MTSS2: variants seen among roughly 807,000 people sequenced by gnomAD.
The protein encoded by MTSS2 is MTSS I-BAR domain containing 2.
A neutral mutation model predicts 67.1 loss-of-function variants in MTSS2; 27 were observed. The ratio of observed to expected loss-of-function variants is 0.40; its 90% CI spans 0.30 to 0.55. MTSS2 has a LOEUF of 0.55. Ranked by LOEUF, MTSS2 falls within the 20% of genes least tolerant of loss-of-function variation. MTSS2 has a pLI of 0.43. For synonymous variants in MTSS2, 624 were observed against 468.6 expected, an observed-to-expected ratio of 1.33 and a Z score of -4.28; for missense variants, 1,171 against 1,067.8, an observed-to-expected ratio of 1.10 and a Z score of -1.35.
chr16:70,667,473 A>AAAC (rs2052759511), intron 11 of MTSS2, among the ~76,000 whole-genome samples: 1 of 152,166 alleles, frequency 6.6e-6, no homozygotes, highest in East Asian at 1.9e-4. Context: ...CAAAACAAAA[A>AAAC]AACAAAACCA....
chr16:70,680,908 C>CGGGGGTGGGGGGGG, intron 2 of MTSS2, 41 bp from the exon 3 acceptor site: 1 of 1,174,316 alleles, frequency 8.5e-7, no homozygotes, highest in Non-Finnish European at 1.2e-6. Context: ...GGTGGTTGGG[C>CGGGGGTGGGGGGGG]GGGGGGGGGG....
chr16:70,662,907 G>A lies in MTSS2; in HGVS notation c.*770C>T, dbSNP rs1287410075. ...CCTGTGTGGCTGGCCGGTGACCCCAGGGCCTCCGGCCTCCTAACCCTGCTG... is the reference window on the plus strand; with the variant it reads ...CCTGTGTGGCTGGCCGGTGACCCCAAGGCCTCCGGCCTCCTAACCCTGCTG... On this transcript the variant is annotated 3_prime_UTR_variant, in exon 15 of 15. Transcript: ENST00000338779. The A allele has an allele frequency of 6.6e-6, 1 of 152,440 alleles. No individual in the cohort carries two copies. Among genetic ancestry groups the A allele is most frequent in the Non-Finnish European group, 1.5e-5 (1 of 68,224 alleles). The allele number at this position is 152,440 out of a possible 1,614,324, so 9.4% of individuals were successfully genotyped here. A position where few individuals can be genotyped will look rare whatever the true frequency, so the allele number is the denominator to read the frequency against.
chr16:70,678,680 C>T (rs887191509), intron 7 of MTSS2, among the ~76,000 whole-genome samples: 4 of 152,210 alleles, frequency 2.6e-5, no homozygotes, highest in African/African-American at 4.8e-5. Flanking sequence ...AGGCTCTTGG[C>T]GCCCAGGAGC....
chr16:70,677,794 G>A lies in MTSS2; in HGVS notation c.730C>T (p.Gln244Ter). 6.2e-7 allele frequency: 1 copy of A among 1,607,716 alleles called. No homozygotes were observed. Among genetic ancestry groups the A allele is most frequent in the South Asian group, 1.1e-5 (1 of 89,324 alleles). ...CCTTGGCCAGAGGGCTCCCGCACCT[G>A]CTCGCTGGCGGGAGGCAGTTTGTGG... ...EPHKLPPASE[Q>*]VIKDLKGSDY... is the part of the protein sequence containing the mutation. Residue 244 changes from glutamine (Q) to a stop codon, truncating the protein, a stop_gained and splice_region_variant, in exon 9 of 15, where the codon CAG (glutamine) becomes TAG (stop). Transcript: ENST00000338779. LOFTEE classifies it high-confidence loss of function.
chr16:70,678,504 C>A, intron 7 of MTSS2, 95 bp from the exon 8 acceptor site: 1 of 1,446,468 alleles, frequency 6.9e-7, no homozygotes. Context: ...CATCTCTCGG[C>A]CGTTGGGCTG....
chr16:70,678,961 G>C (rs2053209327), intron 7 of MTSS2, among the ~76,000 whole-genome samples: 1 of 152,228 alleles, frequency 6.6e-6, no homozygotes, highest in South Asian at 2.1e-4. Context: ...AAGAAAGAGA[G>C]AGGCGAGAGG....
chr16:70,685,173 C>T (rs946164519), intron 1 of MTSS2, among the ~76,000 whole-genome samples: 7 of 133,110 alleles, frequency 5.3e-5, no homozygotes, highest in African/African-American at 1.9e-4. Context: ...GCCTGGAGAC[C>T]TTGGAGTCCT....
At chr16:70,670,716 T>A (rs1242106106) in intron 11 of MTSS2, among the ~76,000 whole-genome samples, 4 of 151,772 alleles carry the variant, frequency 2.6e-5, no homozygotes, top group African/African-American at 4.8e-5. Context: ...GAAATCCCAG[T>A]GATTTGGGAA....
At position 70,661,299 on chromosome 16, in the gene MTSS2, G is replaced by C; in HGVS notation, c.*2378C>G. ...TATTTAAATCGGGGAGGATGGTGTG[G>C]AGGGGGCGGGGAGGAGAGGAGAATT... On this transcript the variant is annotated 3_prime_UTR_variant, in exon 15 of 15. Transcript: ENST00000338779. The C allele has an allele frequency of 2.2e-6, 1 of 455,370 alleles. No individual in the cohort carries two copies. Among genetic ancestry groups the C allele is most frequent in the South Asian group, 1.6e-5 (1 of 64,492 alleles). The allele number at this position is 455,370 out of a possible 1,614,324, so 28.2% of individuals were successfully genotyped here.
At chr16:70,685,276 C>G (rs1309529587) in intron 1 of MTSS2, among the ~76,000 whole-genome samples, 1 of 152,116 alleles carries the variant, frequency 6.6e-6, no homozygotes, top group East Asian at 1.9e-4. Context: ...AAGGAGTTAA[C>G]GGTTCTCCGC....
chr16:70,684,377 G>A (rs1373093271), intron 1 of MTSS2, among the ~76,000 whole-genome samples: 1 of 152,126 alleles, frequency 6.6e-6, no homozygotes, highest in Non-Finnish European at 1.5e-5. Flanking sequence ...GAGGGGCAGG[G>A]GGTGGGGGGC....
chr16:70,679,179 C>T, intron 7 of MTSS2, 136 bp downstream of exon 7: 1 of 1,109,908 alleles, frequency 9.0e-7, no homozygotes, highest in Non-Finnish European at 1.3e-6. Context: ...GCCCCAGGCC[C>T]CTCCCTCGTG....
Position 70,679,827 on chromosome 16 carries a change from CA to C in MTSS2, c.340del (p.Trp114GlyfsTer31). ...GTCCAGCTGGTTGGCCGCCTTCTTC[CA>C]GTCCTCGATGCGCTCCTGCAGCGGG... Reference protein sequence around the residue: ...INPLQERIEDWKKAANQLDKD... With the variant: ...INPLQERIEDXKKAANQLDKD... On this transcript the variant is annotated frameshift_variant, in exon 5 of 15. Transcript: ENST00000338779. LOFTEE classifies it high-confidence loss of function. The C allele has an allele frequency of 6.2e-7, 1 of 1,608,346 alleles. No individual in the cohort carries two copies. The highest frequency in any genetic ancestry group is 8.5e-7 in the Non-Finnish European group (1 of 1,179,646).
At chr16:70,685,554 G>A (rs776598681) in intron 1 of MTSS2, among the ~76,000 whole-genome samples, 169 bp downstream of exon 1, 103 of 152,206 alleles carry the variant, frequency 6.8e-4, no homozygotes, top group Admixed American at 1.2e-3. Flanking sequence ...ACCCCCAGAC[G>A]GGCACCCGGA....
chr16:70,680,791 C>G lies in MTSS2; in HGVS notation c.205+3G>C, dbSNP rs371115949. On this transcript the variant is annotated splice_donor_region_variant and intron_variant, in intron 3 of 14. Transcript: ENST00000338779. ...CCCAACCTCCAGCCACGCGCCTCCCCACCTCGGGTGTTGGTAGCCATGTCA... is the reference window on the plus strand; with the variant it reads ...CCCAACCTCCAGCCACGCGCCTCCCGACCTCGGGTGTTGGTAGCCATGTCA... The G allele has an allele frequency of 3.6e-5, 56 of 1,551,820 alleles. No individual in the cohort carries two copies. Among genetic ancestry groups the G allele is most frequent in the Middle Eastern group, 3.3e-4 (2 of 5,998 alleles).
In MTSS2 at chr16:70,664,601, GGGAGGGGATGGTGTCCTCAGAGCA is replaced by G. The variant is rs1185311699; in HGVS notation, c.1444_1467del (p.Cys482_Ser489del). ...CACCCCAGCCCCGCGGGCCTGCCTTGGGAGGGGATGGTGTCCTCAGAGCAGGAGGGCGTGGTGGTCTGCGTGCTG... is the reference window on the plus strand; with the variant it reads ...CACCCCAGCCCCGCGGGCCTGCCTTGGGAGGGCGTGGTGGTCTGCGTGCTG... On this transcript the variant is annotated inframe_deletion, in exon 14 of 15. Coordinates refer to ENST00000338779, the MANE Select transcript of MTSS2 (RefSeq NM_138383.3). The G allele has an allele frequency of 6.2e-7, 1 of 1,612,088 alleles. No homozygotes were observed. Among genetic ancestry groups the G allele is most frequent in the East Asian group, 2.2e-5 (1 of 44,834 alleles).
intron 11 of MTSS2, among the ~76,000 whole-genome samples, chr16:70,670,634 T>C (rs986323326): frequency 2.0e-5 from 3 of 151,702 alleles, no homozygotes; most frequent in East Asian, 3.9e-4. Context: ...AAGCCAGACA[T>C]AAAGGATACA....
In MTSS2 at chr16:70,664,774, G is replaced by A. The variant is rs201061880; in HGVS notation, c.1306-11C>T. ...CACCTCCTCACCGTGCTGAGGGTGGGAAAGTGCAGGCTGAAGCCTTGCGCC... is the reference window on the plus strand; with the variant it reads ...CACCTCCTCACCGTGCTGAGGGTGGAAAAGTGCAGGCTGAAGCCTTGCGCC... On this transcript the variant is annotated splice_polypyrimidine_tract_variant and intron_variant, in intron 13 of 14. Coordinates refer to ENST00000338779, the MANE Select transcript of MTSS2 (RefSeq NM_138383.3). The A allele has an allele frequency of 1.9e-6, 3 of 1,604,682 alleles. No individual in the cohort carries two copies. Among genetic ancestry groups the A allele is most frequent in the East Asian group, 2.2e-5 (1 of 44,578 alleles).
rs1023775982 is a variant in MTSS2, at chr16:70,662,037, C to G, written c.*1640G>C. ...GGCAGTTGTTGAACCTAGTGACTTA[C>G]TTACAGGGACCATTCTTCATCAGCT... On this transcript the variant is annotated 3_prime_UTR_variant, in exon 15 of 15. Coordinates refer to ENST00000338779, the MANE Select transcript of MTSS2 (RefSeq NM_138383.3). 6.6e-6 allele frequency: 1 copy of G among 152,484 alleles called. No homozygotes were observed. The highest frequency in any genetic ancestry group is 1.9e-4 in the East Asian group (1 of 5,178). The allele number at this position is 152,484 out of a possible 1,614,324, so 9.4% of individuals were successfully genotyped here. A position where few individuals can be genotyped will look rare whatever the true frequency, so the allele number is the denominator to read the frequency against.
Sources: gnomAD v4.1 joint callset for allele counts (sites outside exome capture counted in the v4.1 genomes callset) on GRCh38, gnomAD v4.1.1 for gene constraint, MANE v1.5 for transcripts, NCBI Gene and HGNC (gene_info 2026-07-23, HGNC 2026-07-21) for gene names.